The following SLC5A12 variants were observed in gnomAD, a reference collection of about 807,000 sequenced individuals.
SLC5A12 encodes solute carrier family 5 member 12.
In SLC5A12, 46 loss-of-function variants were observed where a neutral mutation model predicts 72.7. The observed-to-expected ratio is 0.63, with a 90% CI of 0.50 to 0.81. The LOEUF (loss-of-function observed/expected upper bound fraction) is 0.81. Ranked by LOEUF, SLC5A12 falls within the 30% of genes least tolerant of loss-of-function variation. The pLI is 0.00. For missense variants in SLC5A12, 683 were observed against 740.7 expected (o/e 0.92, Z 0.90); for synonymous variants, 275 against 264.4 (o/e 1.04, Z -0.39).
chr11:26,677,868 C>A (rs1037299574), intron 13 of SLC5A12, among the ~76,000 whole-genome samples: 2 of 152,012 alleles, frequency 1.3e-5, no homozygotes, highest in Admixed American at 6.6e-5. Context: ...AAATAGAATA[C>A]CTTAAAATTT....
At chr11:26,688,249 C>T (rs1854584046) in intron 9 of SLC5A12, among the ~76,000 whole-genome samples, 1 of 152,196 alleles carries the variant, frequency 6.6e-6, no homozygotes, top group Non-Finnish European at 1.5e-5. Context: ...GAAAGCTCCA[C>T]AGTTGCAGAA....
intron 1 of SLC5A12, among the ~76,000 whole-genome samples, chr11:26,720,706 G>A (rs1002365719): frequency 6.6e-6 from 1 of 152,136 alleles, no homozygotes; most frequent in Non-Finnish European, 1.5e-5. Context: ...TTTTGAACAT[G>A]ATGTCTTCAT....
At chr11:26,709,410 G>C (rs368320231) in intron 3 of SLC5A12, 31 bp from the exon 4 acceptor site, 1 of 1,553,540 alleles carries the variant, frequency 6.4e-7, no homozygotes, top group Non-Finnish European at 8.8e-7. Context: ...ATTAAAAGAA[G>C]TTTCCTTCAA....
intron 8 of SLC5A12, among the ~76,000 whole-genome samples, chr11:26,694,859 A>C (rs1854772257): frequency 6.6e-6 from 1 of 152,112 alleles, no homozygotes; most frequent in Admixed American, 6.6e-5. Context: ...AATATTCTCA[A>C]ATATAAATAA....
chr11:26,694,155 G>GGCT (rs1854751419), intron 8 of SLC5A12, among the ~76,000 whole-genome samples: 1 of 152,032 alleles, frequency 6.6e-6, no homozygotes, highest in South Asian at 2.1e-4. Context: ...CAGATTCTAA[G>GGCT]GCTGCTACAA....
At chr11:26,716,975 A>T (rs1222549765) in intron 1 of SLC5A12, among the ~76,000 whole-genome samples, 1 of 152,140 alleles carries the variant, frequency 6.6e-6, no homozygotes, top group African/African-American at 2.4e-5. Context: ...GCTAATCCCT[A>T]TGATGACCTA....
rs1855476299 is a variant in SLC5A12, at chr11:26,721,410, A to G, written c.305T>C (p.Val102Ala). The change falls in exon 1 of 15, where the codon GTG (valine) becomes GCG (alanine). Residue 102 changes from valine to alanine, a missense_variant. Transcript: ENST00000396005. ...ILLTSELFLP[V>A]FYRSGITSTY... ...GCTGGTGATACCAGATCTGTAGAACACAGGGAGAAAGAGCTCTGATGTTAA... is the reference window on the plus strand; with the variant it reads ...GCTGGTGATACCAGATCTGTAGAACGCAGGGAGAAAGAGCTCTGATGTTAA... 1 of 1,613,950 alleles carries G rather than the reference A, an allele frequency of 6.2e-7. No homozygotes were observed. Among genetic ancestry groups the G allele is most frequent in the Admixed American group, 1.7e-5 (1 of 59,998 alleles).
At chr11:26,714,270 A>G (rs1161006191) in intron 1 of SLC5A12, among the ~76,000 whole-genome samples, 1 of 152,142 alleles carries the variant, frequency 6.6e-6, no homozygotes, top group African/African-American at 2.4e-5. Context: ...ACATTCATTC[A>G]TTCAACAAAT....
At chr11:26,686,933 C>G (rs762240852) in intron 9 of SLC5A12, among the ~76,000 whole-genome samples, 4 of 152,212 alleles carry the variant, frequency 2.6e-5, no homozygotes, top group African/African-American at 4.8e-5. Flanking sequence ...AAAGAAGCTA[C>G]TAATTCCAGG....
At chr11:26,695,906 T>C (rs1483246657) in intron 8 of SLC5A12, among the ~76,000 whole-genome samples, 2 of 152,192 alleles carry the variant, frequency 1.3e-5, no homozygotes, top group Admixed American at 1.3e-4. Flanking sequence ...AAACACTCCA[T>C]ACAGTTTGTC....
At chr11:26,683,866 A>G (rs748643556) in intron 10 of SLC5A12, 23 bp from the exon 11 acceptor site, 1 of 1,567,744 alleles carries the variant, frequency 6.4e-7, no homozygotes, top group Non-Finnish European at 8.7e-7. Context: ...GGCAGACCAG[A>G]TGAATCCCCT....
intron 4 of SLC5A12, among the ~76,000 whole-genome samples, chr11:26,707,926 G>A (rs1241221156): frequency 6.6e-6 from 1 of 151,894 alleles, no homozygotes; most frequent in Non-Finnish European, 1.5e-5. Context: ...CATCACTGGA[G>A]TAAAACCATG....
chr11:26,698,263 A>G (rs1405061712), intron 7 of SLC5A12, 143 bp downstream of exon 7: 4 of 1,070,726 alleles, frequency 3.7e-6, no homozygotes, highest in Non-Finnish European at 5.2e-6. Context: ...GATATCACCC[A>G]AGAGAAGAAA....
Position 26,683,800 on chromosome 11 carries a change from C to T in SLC5A12, c.1265G>A (p.Gly422Asp), listed in dbSNP as rs1282011168. Residue 422 changes from glycine (G) to aspartate (D), a missense_variant, in exon 11 of 15, where the codon GGC becomes GAC. Physicochemically the swap from Gly to Asp is moderately conservative, Grantham distance 94. Transcript: ENST00000396005. ...IHGMCGGPML[G>D]LFSLGIVFPF... ...GAACACGATTCCCAGGGAGAATAAG[C>T]CCAGCATTGGTCCTCCACACATGCC... is the stretch of plus-strand genomic sequence containing the variant. 1.3e-6 allele frequency: 2 copies of T among 1,598,528 alleles called. No homozygotes were observed. The highest frequency in any genetic ancestry group is 2.3e-5 in the South Asian group (2 of 87,978).
At chr11:26,700,738 G>A (rs1463379615) in intron 6 of SLC5A12, among the ~76,000 whole-genome samples, 3 of 152,080 alleles carry the variant, frequency 2.0e-5, no homozygotes, top group Non-Finnish European at 4.4e-5. Context: ...TAGCTTCCAG[G>A]AAGCACATGT....
At position 26,671,163 on chromosome 11, in the gene SLC5A12, G is replaced by C. The variant is rs566653117; in HGVS notation, c.1796C>G (p.Pro599Arg). 10 of 1,612,758 alleles carry C rather than the reference G, an allele frequency of 6.2e-6. No individual in the cohort carries two copies. The East Asian group carries it at 1.8e-4, about 29-fold the overall frequency. The change falls in exon 15 of 15, where the codon CCA becomes CGA. Residue 599 changes from proline to arginine, a missense_variant. Transcript: ENST00000396005. Reference sequence around the variant, plus strand: ...GCTTTTGTCCTTAGGATCATAGCCTGGAACATGTACCAGGCTTTCTCTTCT... The same window carrying C: ...GCTTTTGTCCTTAGGATCATAGCCTCGAACATGTACCAGGCTTTCTCTTCT... ...GLRRESLVHV[P>R]GYDPKDKSYN...
chr11:26,686,850 G>A (rs17309356), intron 9 of SLC5A12, among the ~76,000 whole-genome samples: 9,371 of 152,248 alleles, frequency 0.062, 404 homozygotes, highest in Non-Finnish European at 0.091. Flanking sequence ...AAATGTGGGA[G>A]AGGTCCAGAC....
At chr11:26,677,788 T>C (rs1251777020) in intron 13 of SLC5A12, among the ~76,000 whole-genome samples, 1 of 152,180 alleles carries the variant, frequency 6.6e-6, no homozygotes, top group African/African-American at 2.4e-5. Context: ...TCACCAGAAA[T>C]GTTGCCATTC....
intron 6 of SLC5A12, among the ~76,000 whole-genome samples, chr11:26,702,308 A>G (rs536361868): frequency 3.9e-4 from 59 of 152,326 alleles, no homozygotes; most frequent in African/African-American, 1.4e-3. Flanking sequence ...TGAAATATAT[A>G]AGGAGAACAT....
Sources: allele counts gnomAD v4.1 joint callset (sites outside exome capture counted in the v4.1 genomes callset), GRCh38; gene constraint gnomAD v4.1.1; transcripts MANE v1.5; gene names NCBI Gene and HGNC (gene_info 2026-07-23, HGNC 2026-07-21).